Variants in SNX30 observed in about 807,000 individuals in gnomAD.
The protein encoded by SNX30 is sorting nexin family member 30.
Under a neutral mutation model 46.4 loss-of-function variants are expected in SNX30, and 24 were observed. The observed-to-expected ratio is 0.52, with a 90% CI of 0.37 to 0.73. The LOEUF (loss-of-function observed/expected upper bound fraction) is 0.73, where lower values mean the gene tolerates loss of function less well. Ranked by LOEUF, SNX30 falls within the 30% of genes least tolerant of loss-of-function variation. SNX30 has a pLI of 0.00. For synonymous variants in SNX30, 189 were observed against 211.5 expected (o/e 0.89, Z 0.92); for missense variants, 533 against 555.7 (o/e 0.96, Z 0.41).
chr9:112,804,923 G>A lies in SNX30; in HGVS notation c.304G>A (p.Val102Met). ...FVIVDDPKKH[V>M]CTMETYITYR... ...TATAGTTGATGATCCCAAGAAGCAT[G>A]TGTGTACAATGGAGACTTACATCAC... is the stretch of plus-strand genomic sequence containing the variant. Residue 102 changes from valine (V) to methionine (M), a missense_variant, in exon 2 of 9, where the codon GTG becomes ATG. Val to Met is a conservative substitution (Grantham distance 21). Around this residue, in one of 3 missense-constraint regions of SNX30, gnomAD observed 191 missense variants for 160.3 expected, o/e 1.19. Transcript: ENST00000374232. 1 of 1,613,710 alleles carries A rather than the reference G, an allele frequency of 6.2e-7. No homozygotes were observed. Among genetic ancestry groups the A allele is most frequent in the Non-Finnish European group, 8.5e-7 (1 of 1,179,748 alleles).
chr9:112,812,399 G>A (rs62576407), intron 2 of SNX30, among the ~76,000 whole-genome samples: 10,339 of 152,096 alleles, frequency 0.068, 452 homozygotes, highest in Non-Finnish European at 0.099. Context: ...GGGACTACAG[G>A]CATGGACCAC....
At chr9:112,756,820 C>T (rs149101656) in intron 1 of SNX30, among the ~76,000 whole-genome samples, 42 of 152,310 alleles carry the variant, frequency 2.8e-4, no homozygotes, top group African/African-American at 9.1e-4. Context: ...CGTTGTAATA[C>T]CTAGAAGCAT....
At chr9:112,809,510 A>C (rs750158752) in intron 2 of SNX30, among the ~76,000 whole-genome samples, 1 of 151,498 alleles carries the variant, frequency 6.6e-6, no homozygotes, top group Non-Finnish European at 1.5e-5. Flanking sequence ...CGAGCCTTCA[A>C]TTCCCTTCAG....
downstream of SNX30, among the ~76,000 whole-genome samples, chr9:112,881,882 G>A (rs1394814240): frequency 1.3e-5 from 2 of 152,164 alleles, no homozygotes; most frequent in Admixed American, 1.3e-4. Context: ...ATTGAGAAGG[G>A]TTAGGAAAAT....
intron 3 of SNX30, among the ~76,000 whole-genome samples, chr9:112,818,073 G>GT (rs1840430670): frequency 6.6e-6 from 1 of 151,992 alleles, no homozygotes; most frequent in South Asian, 2.1e-4. Context: ...CATTGCCACA[G>GT]TTTTTCATTT....
intron 1 of SNX30, among the ~76,000 whole-genome samples, chr9:112,770,993 T>A (rs2131364170): frequency 6.6e-6 from 1 of 152,282 alleles, no homozygotes; most frequent in Admixed American, 6.5e-5. Flanking sequence ...AGACTCTGTG[T>A]CAAAAACAAA....
chr9:112,844,783 G>C (rs528707399), intron 6 of SNX30, among the ~76,000 whole-genome samples: 1 of 152,342 alleles, frequency 6.6e-6, no homozygotes, highest in African/African-American at 2.4e-5. Context: ...ACAACATTCC[G>C]GGTTAGTCCT....
chr9:112,825,735 G>A (rs1254625692), intron 3 of SNX30, among the ~76,000 whole-genome samples: 2 of 152,110 alleles, frequency 1.3e-5, no homozygotes, highest in Non-Finnish European at 2.9e-5. Flanking sequence ...TCTGCTGTGT[G>A]CCTGGAACTG....
At chr9:112,867,895 T>C (rs1841386841) in intron 8 of SNX30, among the ~76,000 whole-genome samples, 1 of 152,156 alleles carries the variant, frequency 6.6e-6, no homozygotes, top group African/African-American at 2.4e-5. Context: ...TGAGAAGCCT[T>C]ATGTGATTAA....
intron 7 of SNX30, among the ~76,000 whole-genome samples, chr9:112,858,196 G>C (rs1320404327): frequency 6.6e-6 from 1 of 152,170 alleles, no homozygotes; most frequent in Non-Finnish European, 1.5e-5. Context: ...CAATACCTCA[G>C]TCACGAAAAT....
At chr9:112,767,715 G>T (rs1392059897) in intron 1 of SNX30, among the ~76,000 whole-genome samples, 1 of 152,060 alleles carries the variant, frequency 6.6e-6, no homozygotes, top group Non-Finnish European at 1.5e-5. Flanking sequence ...TCAGCCTCCT[G>T]AGTAGCTGGG....
chr9:112,885,184 T>G (rs1004117607), downstream of SNX30: 6 of 152,174 alleles, frequency 3.9e-5, no homozygotes, highest in Non-Finnish European at 5.9e-5. Context: ...CCCTAATGAT[T>G]GACGGCTCTT....
intron 3 of SNX30, among the ~76,000 whole-genome samples, chr9:112,826,620 G>T (rs1840583156): frequency 6.6e-6 from 1 of 152,144 alleles, no homozygotes; most frequent in Non-Finnish European, 1.5e-5. Context: ...AGGAGGGGTT[G>T]TTTTCCACAG....
intron 1 of SNX30, among the ~76,000 whole-genome samples, chr9:112,772,910 T>G (rs140234182): frequency 6.6e-6 from 1 of 152,270 alleles, no homozygotes; most frequent in African/African-American, 2.4e-5. Context: ...TATTGATTTA[T>G]TCGTGAATCA....
At position 112,864,301 on chromosome 9, in the gene SNX30, C is replaced by A. The variant is rs779873398; in HGVS notation, c.1156C>A (p.Leu386Met). The change falls in exon 8 of 9, where the codon CTG (leucine) becomes ATG (methionine). Residue 386 changes from leucine to methionine, a missense_variant. Around this residue, in one of 3 missense-constraint regions of SNX30, gnomAD observed 261 missense variants for 270.9 expected, o/e 0.96. Transcript: ENST00000374232. ...QDRMECFNAD[L>M]KADMERWQNN... ...TCGGATGGAGTGTTTCAATGCTGAC[C>A]TGAAAGCTGACATGGAGAGGTGGCA... The A allele has an allele frequency of 1.2e-6, 2 of 1,614,108 alleles. No homozygotes were observed. The highest frequency in any genetic ancestry group is 8.5e-7 in the Non-Finnish European group (1 of 1,180,018).
At chr9:112,851,004 A>C (rs1841015736) in intron 7 of SNX30, 59 bp downstream of exon 7, 4 of 1,336,846 alleles carry the variant, frequency 3.0e-6, no homozygotes, top group Non-Finnish European at 4.3e-6. Context: ...GGTGCTAAGT[A>C]AATTCTCATC....
chr9:112,821,833 C>A (rs1195317974), intron 3 of SNX30, among the ~76,000 whole-genome samples: 2 of 151,784 alleles, frequency 1.3e-5, no homozygotes, highest in Non-Finnish European at 2.9e-5. Flanking sequence ...GTTTTGTCAC[C>A]CAGGCTGGAG....
chr9:112,818,012 C>T (rs892667271), intron 3 of SNX30, among the ~76,000 whole-genome samples, 197 bp downstream of exon 3: 2 of 152,110 alleles, frequency 1.3e-5, no homozygotes, highest in Admixed American at 6.6e-5. Context: ...GCCAGTTTTG[C>T]GGCTGGCTGG....
chr9:112,785,412 C>A (rs912590226), intron 1 of SNX30, among the ~76,000 whole-genome samples: 2 of 137,942 alleles, frequency 1.4e-5, no homozygotes, highest in East Asian at 2.2e-4. Context: ...GAGATAGAAT[C>A]TCACTCTGTC....
Sources: gnomAD v4.1 joint callset for allele counts (sites outside exome capture counted in the v4.1 genomes callset) on GRCh38, gnomAD v4.1.1 for gene constraint, gnomAD v4.1.1 regional missense constraint, MANE v1.5 for transcripts, NCBI Gene and HGNC (gene_info 2026-07-23, HGNC 2026-07-21) for gene names.